Variants in SHOC2 observed in about 807,000 individuals in gnomAD.
The protein encoded by SHOC2 is SHOC2 leucine rich repeat scaffold protein, also known as leucine-rich repeat protein SHOC-2.
Under a neutral mutation model 50.2 loss-of-function variants are expected in SHOC2, and 4 were observed. That is an observed-to-expected ratio of 0.08 (90% CI 0.04 to 0.18). The LOEUF (loss-of-function observed/expected upper bound fraction) is 0.18. SHOC2 is among the 10% of genes least tolerant of loss of function. SHOC2 has a pLI of 1.00. For missense variants in SHOC2, 388 were observed against 669.6 expected, an observed-to-expected ratio of 0.58 and a Z score of 4.64; for synonymous variants, 218 against 244.5, an observed-to-expected ratio of 0.89 and a Z score of 1.01.
intron 2 of SHOC2, among the ~76,000 whole-genome samples, chr10:110,979,997 A>T (rs1424859927): frequency 6.6e-6 from 1 of 152,224 alleles, no homozygotes; most frequent in Non-Finnish European, 1.5e-5. Flanking sequence ...GAAAGTAAGC[A>T]TTTAGAATCT....
chr10:110,953,372 A>G (rs1446913790), intron 1 of SHOC2, among the ~76,000 whole-genome samples: 1 of 152,154 alleles, frequency 6.6e-6, no homozygotes, highest in East Asian at 1.9e-4. Flanking sequence ...AAAGTCTCAT[A>G]GTTGGATTCA....
chr10:110,927,488 T>C (rs1395547447), intron 1 of SHOC2, among the ~76,000 whole-genome samples: 1 of 152,212 alleles, frequency 6.6e-6, no homozygotes, highest in Non-Finnish European at 1.5e-5. Flanking sequence ...TAAGGTTTTA[T>C]GATTTAATCT....
chr10:110,986,846 AAG>A (rs762675648), intron 3 of SHOC2, among the ~76,000 whole-genome samples: 3 of 152,186 alleles, frequency 2.0e-5, no homozygotes, highest in Admixed American at 6.5e-5. Flanking sequence ...CTTTCTCCAG[AAG>A]AGTTTTTGTC....
intron 3 of SHOC2, chr10:110,989,139 T>G: frequency 2.2e-6 from 1 of 452,148 alleles, no homozygotes; most frequent in South Asian, 1.6e-5. Context: ...GTAAAAGTAT[T>G]CCATGTGCAG....
At position 110,940,910 on chromosome 10, in the gene SHOC2, G is replaced by GTTTTTTTTTTTTT. The variant is rs539552844; in HGVS notation, c.-235+21279_-235+21291dup. On this transcript the variant is annotated intron_variant, in intron 1 of 8. Coordinates refer to ENST00000369452, the MANE Select transcript of SHOC2 (RefSeq NM_007373.4). ...GACAAAATAGTGGTATTTGTGGTGG[G>GTTTTTTTTTTTTT]TTTTTTTTTTTTTTTTTTTTTTTTT... Among the ~76,000 whole-genome samples, 43 of 119,464 alleles carry GTTTTTTTTTTTTT rather than the reference G, an allele frequency of 3.6e-4. 1 individual carries two copies. Among genetic ancestry groups the GTTTTTTTTTTTTT allele is most frequent in the East Asian group, 5.0e-4 (2 of 4,024 alleles). 78.4% of individuals were successfully genotyped at this position (119,464 alleles called of 152,430 possible). A position where few individuals can be genotyped will look rare whatever the true frequency, so the allele number is the denominator to read the frequency against.
intron 1 of SHOC2, among the ~76,000 whole-genome samples, chr10:110,920,901 C>T (rs139227595): frequency 7.9e-5 from 12 of 152,264 alleles, no homozygotes; most frequent in Non-Finnish European, 1.5e-4. Flanking sequence ...TCTTAGATAC[C>T]GAGTGCGTCT....
intron 4 of SHOC2, among the ~76,000 whole-genome samples, chr10:111,002,221 G>A (rs900889138): frequency 4.6e-5 from 7 of 152,162 alleles, no homozygotes; most frequent in Non-Finnish European, 1.0e-4. Context: ...GGGAAAGTAT[G>A]AAGTCATAAT....
rs1191997144 is a variant in SHOC2 at position 110,989,590 on chromosome 10, A to T, written c.841+3825A>T. Reference sequence around the variant, plus strand: ...AACAGGTAGTTCTACCTTCTTCTGGAATTGAATGTACAAAAATAAGAGGCC... The same window carrying T: ...AACAGGTAGTTCTACCTTCTTCTGGTATTGAATGTACAAAAATAAGAGGCC... On this transcript the variant is annotated intron_variant, in intron 3 of 8. Transcript: ENST00000369452. Among the ~76,000 whole-genome samples, 4 of 152,182 alleles carry T rather than the reference A, an allele frequency of 2.6e-5. No homozygotes were observed. The East Asian group carries it at 7.7e-4, about 29-fold the overall frequency.
chr10:110,938,889 T>C (rs1847083144), intron 1 of SHOC2, among the ~76,000 whole-genome samples: 2 of 152,230 alleles, frequency 1.3e-5, no homozygotes. Context: ...TCCCAGGATG[T>C]AAATATAATC....
At chr10:110,935,307 G>A (rs1054874624) in intron 1 of SHOC2, among the ~76,000 whole-genome samples, 3 of 152,186 alleles carry the variant, frequency 2.0e-5, no homozygotes, top group Non-Finnish European at 2.9e-5. Context: ...TCAGCTGGAA[G>A]GTGAACTCCA....
At position 110,969,611 on chromosome 10, in the gene SHOC2, T is replaced by C. The variant is rs566286471; in HGVS notation, c.703+4550T>C. ...ATATTCCTGTGATTTCTTTTCTCTC[T>C]GAATTGTGGGTTTAGGATTTCTTCT... On this transcript the variant is annotated intron_variant, in intron 2 of 8. Transcript: ENST00000369452. Among the ~76,000 whole-genome samples the C allele has an allele frequency of 9.8e-5, 15 of 152,320 alleles. No homozygotes were observed. The South Asian group carries it at 2.1e-3, about 21-fold the overall frequency.
At chr10:110,928,719 A>G (rs142573530) in intron 1 of SHOC2, among the ~76,000 whole-genome samples, 1 of 152,134 alleles carries the variant, frequency 6.6e-6, no homozygotes, top group East Asian at 1.9e-4. Context: ...GCATGGTGAA[A>G]CCCCGTCTCT....
chr10:110,969,438 G>C (rs1049305421), intron 2 of SHOC2, among the ~76,000 whole-genome samples: 3 of 152,144 alleles, frequency 2.0e-5, no homozygotes, highest in African/African-American at 7.2e-5. Flanking sequence ...GAGTGGATTA[G>C]AGCAGGGGCC....
At chr10:110,994,653 T>C (rs1036715092) in intron 3 of SHOC2, among the ~76,000 whole-genome samples, 5 of 152,182 alleles carry the variant, frequency 3.3e-5, no homozygotes, top group African/African-American at 1.2e-4. Context: ...TATAGAATGA[T>C]CTCATTTATA....
chr10:110,985,344 A>G (rs1395264939), intron 2 of SHOC2, among the ~76,000 whole-genome samples: 3 of 152,108 alleles, frequency 2.0e-5, no homozygotes, highest in Non-Finnish European at 4.4e-5. Flanking sequence ...ACAACATTTT[A>G]ATTTTATCAG....
intron 1 of SHOC2, among the ~76,000 whole-genome samples, chr10:110,959,915 T>C (rs915554467): frequency 1.3e-5 from 2 of 152,228 alleles, no homozygotes; most frequent in Non-Finnish European, 2.9e-5. Context: ...AGGAATCCTT[T>C]ATTGGCTTTT....
intron 2 of SHOC2, among the ~76,000 whole-genome samples, chr10:110,972,627 T>A (rs1847803861): frequency 6.6e-6 from 1 of 152,164 alleles, no homozygotes; most frequent in African/African-American, 2.4e-5. Flanking sequence ...GGTGGATTAC[T>A]TGAGCCCAGG....
intron 1 of SHOC2, among the ~76,000 whole-genome samples, chr10:110,957,328 G>C (rs1024814843): frequency 6.6e-6 from 1 of 152,092 alleles, no homozygotes; most frequent in African/African-American, 2.4e-5. Flanking sequence ...ACTTCTCAAA[G>C]TCTTAGGACT....
chr10:110,999,924 A>G (rs1391367768), intron 3 of SHOC2, among the ~76,000 whole-genome samples: 3 of 152,086 alleles, frequency 2.0e-5, no homozygotes, highest in African/African-American at 7.2e-5. Flanking sequence ...AGTTTTCAGT[A>G]TGGAACCTTT....
Sources: gnomAD v4.1 joint callset for allele counts (sites outside exome capture counted in the v4.1 genomes callset) on GRCh38, gnomAD v4.1.1 for gene constraint, MANE v1.5 for transcripts, NCBI Gene and HGNC (gene_info 2026-07-23, HGNC 2026-07-21) for gene names.